Variants in AMPH observed in about 807,000 individuals in gnomAD.
The protein encoded by AMPH is amphiphysin (Stiff-Mann syndrome with breast cancer 128kD autoantigen).
In AMPH, 49 loss-of-function variants were observed where a neutral mutation model predicts 99.1. The observed-to-expected ratio is 0.49, with a 90% CI of 0.39 to 0.63. AMPH has a LOEUF of 0.63. Among genes scored for constraint, AMPH ranks in the 20% least tolerant of loss-of-function variants. The pLI is 0.00. For synonymous variants in AMPH, 314 were observed against 317.3 expected (o/e 0.99, Z 0.11); for missense variants, 759 against 863.4 (o/e 0.88, Z 1.52).
intron 14 of AMPH, 139 bp from the exon 15 acceptor site, chr7:38,427,125 G>T (rs1785807670): frequency 1.5e-6 from 1 of 662,296 alleles, no homozygotes; most frequent in Non-Finnish European, 2.5e-6. Flanking sequence ...GTGCATGAAA[G>T]AACTTAGGAA....
chr7:38,578,493 G>A (rs1364219520), intron 1 of AMPH, among the ~76,000 whole-genome samples: 1 of 152,150 alleles, frequency 6.6e-6, no homozygotes, highest in Non-Finnish European at 1.5e-5. Flanking sequence ...GAACTGCAGA[G>A]CCTCACATCT....
chr7:38,493,132 G>A (rs1788791450), intron 4 of AMPH, among the ~76,000 whole-genome samples: 2 of 152,164 alleles, frequency 1.3e-5, no homozygotes, highest in South Asian at 4.1e-4. Context: ...CAGGGTGTCA[G>A]AATATCCATG....
intron 1 of AMPH, among the ~76,000 whole-genome samples, chr7:38,612,876 A>G (rs1451354515): frequency 6.6e-6 from 1 of 152,218 alleles, no homozygotes; most frequent in Non-Finnish European, 1.5e-5. Context: ...ATCCTCTTTT[A>G]TGCCATCTAT....
intron 14 of AMPH, chr7:38,429,227 A>G: frequency 2.3e-6 from 3 of 1,288,188 alleles, no homozygotes; most frequent in Non-Finnish European, 3.0e-6. Flanking sequence ...CCACACAAGC[A>G]GCAATGGCAA....
Position 38,398,192 on chromosome 7 carries a change from AAAAC to A in AMPH, c.1399-3982_1399-3979del, listed in dbSNP as rs549726160. Among the ~76,000 whole-genome samples the A allele has an allele frequency of 4.6e-3, 626 of 136,356 alleles. 7 individuals carry two copies. The highest frequency in any genetic ancestry group is 0.023 in the East Asian group (84 of 3,604). 89.5% of individuals were successfully genotyped at this position (136,356 alleles called of 152,430 possible). A position where few individuals can be genotyped will look rare whatever the true frequency, so the allele number is the denominator to read the frequency against. ...TGCTAGGTATATACTCAAAAAAAAA[AAAAC>A]AAAAAAAAAAGGGAAATCAATATAT... is the stretch of plus-strand genomic sequence containing the variant. On this transcript the variant is annotated intron_variant, in intron 17 of 20. Coordinates refer to ENST00000356264, the MANE Select transcript of AMPH (RefSeq NM_001635.4).
intron 6 of AMPH, among the ~76,000 whole-genome samples, chr7:38,476,646 T>C (rs1458896119): frequency 6.6e-6 from 1 of 152,174 alleles, no homozygotes; most frequent in African/African-American, 2.4e-5. Context: ...AAGTTTATTC[T>C]GATCAAAATG....
intron 1 of AMPH, among the ~76,000 whole-genome samples, chr7:38,545,205 G>C (rs559052269): frequency 6.6e-6 from 1 of 152,236 alleles, no homozygotes; most frequent in African/African-American, 2.4e-5. Context: ...CATTTGAGCA[G>C]ACTTTTGTAG....
rs139000142 is a variant in AMPH, at chr7:38,622,122, G to T, written c.69+9161C>A. 2.3e-3 allele frequency among the ~76,000 whole-genome samples: 353 copies of T among 152,272 alleles called. 2 individuals are homozygous for T. The highest frequency in any genetic ancestry group is 8.2e-3 in the African/African-American group (341 of 41,560). On this transcript the variant is annotated intron_variant, in intron 1 of 20. Transcript: ENST00000356264. ...TATGTAAATGTTAGCCATTTACTGA[G>T]AATGTAGGAAAAATTATATCTGCAA...
At chr7:38,619,745 C>G (rs551537046) in intron 1 of AMPH, among the ~76,000 whole-genome samples, 4 of 152,214 alleles carry the variant, frequency 2.6e-5, no homozygotes, top group Non-Finnish European at 5.9e-5. Flanking sequence ...TATACATCCC[C>G]AGGAGAGCCC....
chr7:38,476,652 A>G (rs1162747837), intron 6 of AMPH, among the ~76,000 whole-genome samples: 1 of 152,186 alleles, frequency 6.6e-6, no homozygotes, highest in Non-Finnish European at 1.5e-5. Flanking sequence ...ATTCTGATCA[A>G]AATGTGTGAG....
At chr7:38,544,329 CA>C (rs963656488) in intron 1 of AMPH, among the ~76,000 whole-genome samples, 1 of 152,154 alleles carries the variant, frequency 6.6e-6, no homozygotes, top group African/African-American at 2.4e-5. Context: ...CTCTGATGAG[CA>C]AAAGGCCAAA....
At chr7:38,485,448 T>C (rs1229850932) in intron 5 of AMPH, among the ~76,000 whole-genome samples, 1 of 151,946 alleles carries the variant, frequency 6.6e-6, no homozygotes, top group African/African-American at 2.4e-5. Context: ...ATAAAGCATC[T>C]ATATATGTAA....
chr7:38,626,723 C>T (rs1372698270), intron 1 of AMPH, among the ~76,000 whole-genome samples: 4 of 152,094 alleles, frequency 2.6e-5, no homozygotes, highest in Non-Finnish European at 5.9e-5. Context: ...AGAGCTTCTG[C>T]ACAGCAAAAG....
intron 15 of AMPH, among the ~76,000 whole-genome samples, chr7:38,426,285 G>A (rs1049408620): frequency 3.9e-5 from 6 of 152,140 alleles, no homozygotes; most frequent in Admixed American, 6.5e-5. Flanking sequence ...CCATGTGGCC[G>A]GCCTTTTACA....
chr7:38,467,366 C>T (rs1787698555), intron 7 of AMPH, among the ~76,000 whole-genome samples: 1 of 152,212 alleles, frequency 6.6e-6, no homozygotes, highest in Admixed American at 6.5e-5. Context: ...GCTACCTATA[C>T]ATTATGCAGA....
chr7:38,615,787 T>C (rs1793852561), intron 1 of AMPH, among the ~76,000 whole-genome samples: 2 of 152,120 alleles, frequency 1.3e-5, no homozygotes, highest in South Asian at 4.1e-4. Context: ...CTGCCCTTAA[T>C]ACTCATGTAG....
At chr7:38,442,858 A>G (rs1786607531) in intron 11 of AMPH, among the ~76,000 whole-genome samples, 1 of 152,016 alleles carries the variant, frequency 6.6e-6, no homozygotes, top group Non-Finnish European at 1.5e-5. Context: ...TAGAGTGGAA[A>G]TCAGTGAAAC....
chr7:38,393,219 CA>C (rs1784566405), intron 18 of AMPH, among the ~76,000 whole-genome samples: 1 of 152,016 alleles, frequency 6.6e-6, no homozygotes, highest in South Asian at 2.1e-4. Flanking sequence ...GCCCCCAGCC[CA>C]AAAAGGGATA....
intron 1 of AMPH, among the ~76,000 whole-genome samples, chr7:38,577,197 T>C (rs1348443609): frequency 1.3e-5 from 2 of 152,108 alleles, no homozygotes; most frequent in African/African-American, 4.8e-5. Flanking sequence ...AAAAACTAAT[T>C]TGGAAAATCA....
Sources: allele counts gnomAD v4.1 joint callset (sites outside exome capture counted in the v4.1 genomes callset), GRCh38; gene constraint gnomAD v4.1.1; transcripts MANE v1.5; gene names NCBI Gene and HGNC (gene_info 2026-07-23, HGNC 2026-07-21).